Variants in DPP10 observed in about 807,000 individuals in gnomAD.
DPP10 encodes the protein inactive dipeptidyl peptidase 10.
A neutral mutation model predicts 120.9 loss-of-function variants in DPP10; 33 were observed. The observed-to-expected ratio is 0.27, with a 90% CI of 0.21 to 0.37. DPP10 has a LOEUF of 0.37. DPP10 is among the 10% of genes least tolerant of loss of function. The probability of loss-of-function intolerance (pLI) is 1.00; values close to 1 mark genes in which losing one functional copy is unlikely to be tolerated. For synonymous variants in DPP10, 337 were observed against 326.1 expected (o/e 1.03, Z -0.36); for missense variants, 816 against 942.8 (o/e 0.87, Z 1.76).
intron 1 of DPP10, among the ~76,000 whole-genome samples, chr2:115,148,774 C>G (rs758855850): frequency 2.6e-5 from 4 of 152,172 alleles, no homozygotes; most frequent in Non-Finnish European, 5.9e-5. Flanking sequence ...TTAACCGCTA[C>G]GCATGTCAAA....
chr2:114,880,865 G>T (rs1009941589), intron 1 of DPP10, among the ~76,000 whole-genome samples: 1 of 152,104 alleles, frequency 6.6e-6, no homozygotes, highest in African/African-American at 2.4e-5. Flanking sequence ...GTATGCATTC[G>T]TATTGAAAAG....
intron 1 of DPP10, among the ~76,000 whole-genome samples, chr2:114,445,766 T>C (rs1369914734): frequency 6.6e-6 from 1 of 152,168 alleles, no homozygotes; most frequent in Non-Finnish European, 1.5e-5. Context: ...TTGGTCGTTC[T>C]GGCCATTCTT....
At chr2:114,979,375 C>T (rs1699948805) in intron 1 of DPP10, among the ~76,000 whole-genome samples, 2 of 151,702 alleles carry the variant, frequency 1.3e-5, no homozygotes, top group African/African-American at 2.4e-5. Flanking sequence ...TTTGATGTTT[C>T]CTATCATTTT....
chr2:114,484,834 A>G (rs1210192225), intron 1 of DPP10, among the ~76,000 whole-genome samples: 2 of 152,194 alleles, frequency 1.3e-5, no homozygotes, highest in African/African-American at 4.8e-5. Flanking sequence ...AACATAGTTA[A>G]CAATTCAAAT....
intron 7 of DPP10, among the ~76,000 whole-genome samples, chr2:115,726,930 C>G (rs888924607): frequency 2.5e-5 from 3 of 121,340 alleles, no homozygotes; most frequent in Non-Finnish European, 5.1e-5. Context: ...ATCTAAATAG[C>G]AATTTGGCTT....
At chr2:115,467,896 A>G (rs1246216394) in intron 3 of DPP10, among the ~76,000 whole-genome samples, 1 of 152,200 alleles carries the variant, frequency 6.6e-6, no homozygotes, top group Non-Finnish European at 1.5e-5. Flanking sequence ...GTACTATGCA[A>G]CAGTTTTGCT....
intron 15 of DPP10, among the ~76,000 whole-genome samples, chr2:115,780,069 A>G (rs1575756008): frequency 6.6e-6 from 1 of 151,990 alleles, no homozygotes; most frequent in Non-Finnish European, 1.5e-5. Context: ...CCAAAATGAA[A>G]TTGAGACCTT....
chr2:115,678,673 A>T lies in DPP10; in HGVS notation c.442-11014A>T, dbSNP rs140671068. Among the ~76,000 whole-genome samples the T allele has an allele frequency of 2.4e-3, 369 of 152,282 alleles. 1 individual carries two copies. Among genetic ancestry groups the T allele is most frequent in the Non-Finnish European group, 2.5e-3 (173 of 68,012 alleles). The stretch of plus-strand genomic sequence containing the variant: ...CATTGCCCAGTGGAGCTGTGAGAAG[A>T]GGGCCACTGTCCTCCAGACCCCAGA... On this transcript the variant is annotated intron_variant, in intron 5 of 25. Coordinates refer to ENST00000410059, the MANE Select transcript of DPP10 (RefSeq NM_020868.6).
intron 1 of DPP10, among the ~76,000 whole-genome samples, chr2:114,882,761 T>C (rs1395040570): frequency 2.2e-4 from 34 of 152,064 alleles, no homozygotes; most frequent in Admixed American, 2.2e-3. Context: ...AATACATAAA[T>C]TTATTTTGTC....
At chr2:115,494,640 G>C (rs2076298191) in intron 3 of DPP10, among the ~76,000 whole-genome samples, 1 of 151,988 alleles carries the variant, frequency 6.6e-6, no homozygotes, top group Non-Finnish European at 1.5e-5. Context: ...ACCCTTCCTA[G>C]ATTTATTTGA....
chr2:115,382,666 T>C (rs1344565724), intron 3 of DPP10, among the ~76,000 whole-genome samples: 1 of 152,046 alleles, frequency 6.6e-6, no homozygotes, highest in Non-Finnish European at 1.5e-5. Flanking sequence ...AGGTATGAGG[T>C]AAAAGTAGGG....
intron 1 of DPP10, among the ~76,000 whole-genome samples, chr2:114,705,800 G>A (rs1558655881): frequency 6.6e-6 from 1 of 152,118 alleles, no homozygotes; most frequent in Admixed American, 6.6e-5. Flanking sequence ...AATAATATAA[G>A]GCTATATTGC....
At chr2:114,637,072 T>C (rs536476963) in intron 1 of DPP10, among the ~76,000 whole-genome samples, 53 of 152,082 alleles carry the variant, frequency 3.5e-4, no homozygotes, top group Middle Eastern at 3.4e-3. Flanking sequence ...TTGAAGAACA[T>C]TGTTTTACTT....
chr2:115,289,700 T>G (rs2105919734), intron 1 of DPP10, among the ~76,000 whole-genome samples: 1 of 151,990 alleles, frequency 6.6e-6, no homozygotes, highest in East Asian at 1.9e-4. Context: ...AGCCAGATAC[T>G]TACAACCAAT....
chr2:114,713,631 C>T (rs951647928), intron 1 of DPP10, among the ~76,000 whole-genome samples: 8 of 152,066 alleles, frequency 5.3e-5, no homozygotes, highest in African/African-American at 1.7e-4. Flanking sequence ...TCTATGATTC[C>T]CACACTCAAG....
chr2:115,021,778 C>G (rs992945850), intron 1 of DPP10, among the ~76,000 whole-genome samples: 5 of 151,912 alleles, frequency 3.3e-5, no homozygotes, highest in Non-Finnish European at 2.9e-5. Context: ...AAAATTATGA[C>G]AAATCCAACA....
chr2:115,197,838 A>G (rs2055397269), intron 1 of DPP10, among the ~76,000 whole-genome samples: 1 of 152,180 alleles, frequency 6.6e-6, no homozygotes, highest in African/African-American at 2.4e-5. Context: ...ATGATTCAGA[A>G]TTTAATTAGA....
intron 1 of DPP10, among the ~76,000 whole-genome samples, chr2:114,937,805 C>T (rs1338162138): frequency 3.3e-5 from 5 of 152,038 alleles, no homozygotes; most frequent in Non-Finnish European, 7.4e-5. Context: ...GATGGGAGAC[C>T]TCTGCCATAT....
At chr2:115,526,046 C>T in intron 5 of DPP10, 74 bp downstream of exon 5, 2 of 1,292,902 alleles carry the variant, frequency 1.5e-6, no homozygotes, top group Non-Finnish European at 2.2e-6. Context: ...TTTTACTCAG[C>T]TATAACTCAC....
Sources: gnomAD v4.1 joint callset for allele counts (sites outside exome capture counted in the v4.1 genomes callset) on GRCh38, gnomAD v4.1.1 for gene constraint, MANE v1.5 for transcripts, NCBI Gene and HGNC (gene_info 2026-07-23, HGNC 2026-07-21) for gene names.